Variants in RBFOX3 observed in about 807,000 individuals in gnomAD.
RBFOX3 encodes RNA binding protein fox-1 homolog 3.
In RBFOX3, 17 loss-of-function variants were observed where a neutral mutation model predicts 48.7. That is an observed-to-expected ratio of 0.35 (90% CI 0.24 to 0.52). The LOEUF is 0.52. RBFOX3 is among the 20% of genes least tolerant of loss of function. RBFOX3 has a pLI of 0.94. For missense variants in RBFOX3, 382 were observed against 497.5 expected (o/e 0.77, Z 2.21); for synonymous variants, 212 against 209.5 (o/e 1.01, Z -0.10).
chr17:79,145,932 G>A (rs1381135422), intron 4 of RBFOX3, among the ~76,000 whole-genome samples: 1 of 152,140 alleles, frequency 6.6e-6, no homozygotes, highest in Non-Finnish European at 1.5e-5. Context: ...GGGGGTGGTT[G>A]GGGAGGGATG....
chr17:79,182,871 G>A lies in RBFOX3; in HGVS notation c.-34+52895C>T, dbSNP rs1229414558. Among the ~76,000 whole-genome samples the A allele has an allele frequency of 6.1e-4, 92 of 150,750 alleles. 1 individual carries two copies. Among genetic ancestry groups the A allele is most frequent in the Admixed American group, 6.1e-3 (92 of 15,180 alleles). ...CCCCGGCTTTCCCGACGCTGCCAGG[G>A]AGGATGCCCCGCTCCCCGCCCCGAG... On this transcript the variant is annotated intron_variant, in intron 4 of 14. Coordinates refer to ENST00000693108, the MANE Select transcript of RBFOX3 (RefSeq NM_001350451.2).
rs1398790955 is a variant in RBFOX3 at position 79,242,148 on chromosome 17, C to T, written c.-73-6343G>A. 5.9e-5 allele frequency among the ~76,000 whole-genome samples: 9 copies of T among 152,174 alleles called. No homozygotes were observed. Among genetic ancestry groups the T allele is most frequent in the Admixed American group, 5.9e-4 (9 of 15,280 alleles). The stretch of plus-strand genomic sequence containing the variant: ...TGTACGAGTTCCTGCAGCAGAGGCA[C>T]TGGTGCCAGGAAAGACCTTGGGAGC... On this transcript the variant is annotated intron_variant, in intron 3 of 14. Coordinates refer to ENST00000693108, the MANE Select transcript of RBFOX3 (RefSeq NM_001350451.2). This position sits in a 1 kb window ranked among gnomAD's most constrained non-coding sequence, Gnocchi z 5.8.
At chr17:79,584,030 T>C (rs2093161838) in intron 1 of RBFOX3, among the ~76,000 whole-genome samples, 1 of 151,974 alleles carries the variant, frequency 6.6e-6, no homozygotes, top group Admixed American at 6.5e-5. Flanking sequence ...AAATGGAGAA[T>C]GCTGGGAGAG....
At chr17:79,456,631 T>C (rs2074539737) in intron 2 of RBFOX3, among the ~76,000 whole-genome samples, 1 of 152,222 alleles carries the variant, frequency 6.6e-6, no homozygotes, top group African/African-American at 2.4e-5. Flanking sequence ...GATGCCATCA[T>C]TTTATAAAGA....
upstream of RBFOX3, among the ~76,000 whole-genome samples, chr17:79,613,307 G>A (rs1054965388): frequency 9.8e-5 from 15 of 152,330 alleles, no homozygotes; most frequent in African/African-American, 3.1e-4. Flanking sequence ...GGGCCTGCGC[G>A]TGAGGACACC....
At chr17:79,449,285 CTT>C (rs1356555304) in intron 2 of RBFOX3, among the ~76,000 whole-genome samples, 1 of 152,100 alleles carries the variant, frequency 6.6e-6, no homozygotes, top group Non-Finnish European at 1.5e-5. Context: ...ACTCACCTCT[CTT>C]GCTTCCTGTG....
intron 1 of RBFOX3, among the ~76,000 whole-genome samples, chr17:79,557,437 T>A (rs1036004799): frequency 6.4e-5 from 9 of 140,970 alleles, no homozygotes; most frequent in African/African-American, 2.3e-4. Context: ...TCCAGTCTAC[T>A]CACAGCCAAG....
At chr17:79,357,889 T>G (rs974429265) in intron 2 of RBFOX3, among the ~76,000 whole-genome samples, 4 of 151,888 alleles carry the variant, frequency 2.6e-5, no homozygotes, top group African/African-American at 7.3e-5. Context: ...ATTGAAGTTT[T>G]TTTTTTACTT....
At chr17:79,169,398 C>T (rs2048681134) in intron 4 of RBFOX3, among the ~76,000 whole-genome samples, 1 of 152,124 alleles carries the variant, frequency 6.6e-6, no homozygotes, top group Admixed American at 6.5e-5. Flanking sequence ...TCCTCCCCTG[C>T]TCCTTCACCC....
chr17:79,631,401 G>C, the RBFOX3 span, among the ~76,000 whole-genome samples: 2 of 152,080 alleles, frequency 1.3e-5, no homozygotes, highest in Non-Finnish European at 2.9e-5. Flanking sequence ...GGGCCTATTT[G>C]GAGGCTTAGG....
intron 2 of RBFOX3, among the ~76,000 whole-genome samples, chr17:79,447,422 T>A (rs2072563163): frequency 6.6e-6 from 1 of 152,212 alleles, no homozygotes; most frequent in Admixed American, 6.5e-5. Context: ...AGTGCCGGCT[T>A]CATCTGGAAG....
the RBFOX3 span, among the ~76,000 whole-genome samples, chr17:79,620,556 T>C: frequency 1.5e-5 from 2 of 130,412 alleles, no homozygotes; most frequent in Admixed American, 7.9e-5. Context: ...CATGCACACA[T>C]GTGCACACCC....
Position 79,535,386 on chromosome 17 carries a change from C to A in RBFOX3, c.-319-52788G>T, listed in dbSNP as rs1430121410. ...GTGACAGAGGCTCCCAGAAGTCAGCCCACCAGCAAGGCCTCTCTCCAGCAA... is the reference window on the plus strand; with the variant it reads ...GTGACAGAGGCTCCCAGAAGTCAGCACACCAGCAAGGCCTCTCTCCAGCAA... On this transcript the variant is annotated intron_variant, in intron 1 of 14. Transcript: ENST00000693108. This position sits in a 1 kb window ranked among gnomAD's most constrained non-coding sequence, Gnocchi z 4.5. 6.6e-6 allele frequency among the ~76,000 whole-genome samples: 1 copy of A among 152,130 alleles called. No homozygotes were observed. The highest frequency in any genetic ancestry group is 1.5e-5 in the Non-Finnish European group (1 of 68,012).
intron 8 of RBFOX3, among the ~76,000 whole-genome samples, chr17:79,101,891 T>G (rs1458852089): frequency 6.6e-6 from 1 of 152,088 alleles, no homozygotes; most frequent in Admixed American, 6.5e-5. Context: ...GCTGTTCCCA[T>G]AAACCCAGCC....
Position 79,477,155 on chromosome 17 carries a change from C to A in RBFOX3, c.-175+5299G>T, listed in dbSNP as rs1359976520. ...AGCTGAGGCAGGAGAATCTCTTAAA[C>A]CCAGGAGGTAGAGGTTGCAGTGAGC... On this transcript the variant is annotated intron_variant, in intron 2 of 14. Coordinates refer to ENST00000693108, the MANE Select transcript of RBFOX3 (RefSeq NM_001350451.2). This position sits in a 1 kb window ranked among gnomAD's most constrained non-coding sequence, Gnocchi z 4.8. Among the ~76,000 whole-genome samples, 1 of 150,566 alleles carries A rather than the reference C, an allele frequency of 6.6e-6. No homozygotes were observed. Among genetic ancestry groups the A allele is most frequent in the Non-Finnish European group, 1.5e-5 (1 of 67,808 alleles).
chr17:79,510,283 A>G (rs1454598655), intron 1 of RBFOX3, among the ~76,000 whole-genome samples: 4 of 152,296 alleles, frequency 2.6e-5, no homozygotes, highest in Admixed American at 6.5e-5. Flanking sequence ...TGTAACCAGC[A>G]AGCCCTGTCC....
intron 2 of RBFOX3, among the ~76,000 whole-genome samples, chr17:79,444,264 G>A (rs1024143193): frequency 4.6e-5 from 7 of 152,142 alleles, no homozygotes; most frequent in Admixed American, 6.5e-5. Flanking sequence ...TCAGCTGGGG[G>A]ACTGGGAGCC....
intron 4 of RBFOX3, among the ~76,000 whole-genome samples, chr17:79,200,033 C>T (rs1432840390): frequency 6.6e-6 from 1 of 152,060 alleles, no homozygotes; most frequent in Non-Finnish European, 1.5e-5. Flanking sequence ...TGTGGTGGCA[C>T]ATGCCTGTAA....
At position 79,242,595 on chromosome 17, in the gene RBFOX3, G is replaced by C. The variant is rs1345099317; in HGVS notation, c.-73-6790C>G. 2.6e-5 allele frequency among the ~76,000 whole-genome samples: 4 copies of C among 151,962 alleles called. No individual in the cohort carries two copies. Among genetic ancestry groups the C allele is most frequent in the Non-Finnish European group, 5.9e-5 (4 of 67,978 alleles). On this transcript the variant is annotated intron_variant, in intron 3 of 14. Transcript: ENST00000693108. The surrounding 1 kb of genome is among the most constrained non-coding windows in gnomAD (Gnocchi z 5.8). ...AAGGGGAAGGGAGCATAGGGCAGGAGAGGGCAGGGGAGGGAATCTGGCTTA... is the reference window on the plus strand; with the variant it reads ...AAGGGGAAGGGAGCATAGGGCAGGACAGGGCAGGGGAGGGAATCTGGCTTA...
Sources: gnomAD v4.1 joint callset for allele counts (sites outside exome capture counted in the v4.1 genomes callset) on GRCh38, gnomAD v4.1.1 for gene constraint, Gnocchi (gnomAD v3.1) non-coding constraint, MANE v1.5 for transcripts, NCBI Gene and HGNC (gene_info 2026-07-23, HGNC 2026-07-21) for gene names.